The following FAXC variants were observed in gnomAD, a reference collection of about 807,000 sequenced individuals.
FAXC encodes failed axon connections homolog, metaxin like GST domain containing, also known as failed axon connections homolog.
Under a neutral mutation model 41.9 loss-of-function variants are expected in FAXC, and 10 were observed. That is an observed-to-expected ratio of 0.24 (90% CI 0.15 to 0.41). The LOEUF is 0.41. Among genes scored for constraint, FAXC ranks in the 10% least tolerant of loss-of-function variants. The pLI is 1.00. For synonymous variants in FAXC, 183 were observed against 183.8 expected (o/e 1.00, Z 0.03); for missense variants, 399 against 510.9 (o/e 0.78, Z 2.11).
intron 3 of FAXC, among the ~76,000 whole-genome samples, chr6:99,325,707 T>C (rs776717538): frequency 3.7e-4 from 56 of 152,364 alleles, no homozygotes; most frequent in South Asian, 2.5e-3. Context: ...ACTTTGACTC[T>C]AATTGTATTA....
chr6:99,294,619 A>G (rs12195216), intron 4 of FAXC, among the ~76,000 whole-genome samples: 32,491 of 152,092 alleles, frequency 0.21, 3,780 homozygotes, highest in East Asian at 0.47. Context: ...TTCATGGTCA[A>G]AAAAAGAGGG....
At chr6:99,339,276 G>A (rs1461395082) in intron 2 of FAXC, among the ~76,000 whole-genome samples, 1 of 152,220 alleles carries the variant, frequency 6.6e-6, no homozygotes, top group Non-Finnish European at 1.5e-5. Context: ...GTGAACCCCG[G>A]AGCTGCAGGA....
intron 3 of FAXC, among the ~76,000 whole-genome samples, chr6:99,332,727 T>C (rs957783111): frequency 3.9e-5 from 6 of 152,226 alleles, no homozygotes; most frequent in African/African-American, 1.4e-4. Context: ...GCTCTTGTTA[T>C]CTATGGACAA....
chr6:99,329,624 C>G (rs1487492533), intron 3 of FAXC, among the ~76,000 whole-genome samples: 2 of 152,094 alleles, frequency 1.3e-5, no homozygotes, highest in Non-Finnish European at 2.9e-5. Context: ...CTCCCCCAAA[C>G]AGGGGCCCTC....
At chr6:99,325,358 C>T (rs190781913) in intron 3 of FAXC, among the ~76,000 whole-genome samples, 1 of 152,330 alleles carries the variant, frequency 6.6e-6, no homozygotes, top group African/African-American at 2.4e-5. Context: ...AACATACTCC[C>T]TGTGCTGTAG....
intron 4 of FAXC, chr6:99,309,896 C>A: frequency 3.0e-6 from 3 of 984,804 alleles, no homozygotes; most frequent in Non-Finnish European, 3.6e-6. Flanking sequence ...AATTATTATT[C>A]TTCTGGCATG....
chr6:99,313,249 T>C lies in FAXC; in HGVS notation c.823+10195A>G, dbSNP rs528303458. 2.0e-5 allele frequency among the ~76,000 whole-genome samples: 3 copies of C among 152,308 alleles called. No individual in the cohort carries two copies. The South Asian group carries it at 6.2e-4, about 32-fold the overall frequency. On this transcript the variant is annotated intron_variant, in intron 4 of 5. Transcript: ENST00000389677. The stretch of plus-strand genomic sequence containing the variant: ...TCAAGGCTTCAGTGACCTATGATTG[T>C]GCCACTGCACTACAGCCTGGGCAAC...
At chr6:99,323,234 T>G (rs1278425942) in intron 4 of FAXC, among the ~76,000 whole-genome samples, 1 of 152,218 alleles carries the variant, frequency 6.6e-6, no homozygotes, top group Admixed American at 6.5e-5. Context: ...GGGCTCACCA[T>G]GCTAAAAACA....
At chr6:99,341,233 A>G (rs1297304919) in intron 2 of FAXC, among the ~76,000 whole-genome samples, 1 of 152,192 alleles carries the variant, frequency 6.6e-6, no homozygotes, top group Non-Finnish European at 1.5e-5. Context: ...AGAAATTTAA[A>G]ATGAAGTATA....
intron 5 of FAXC, among the ~76,000 whole-genome samples, chr6:99,289,103 T>C (rs1388944807): frequency 6.6e-6 from 1 of 152,214 alleles, no homozygotes; most frequent in African/African-American, 2.4e-5. Context: ...TCTACTGGTC[T>C]CTCATCTACA....
At chr6:99,324,474 A>C (rs1481762699) in intron 3 of FAXC, among the ~76,000 whole-genome samples, 1 of 152,132 alleles carries the variant, frequency 6.6e-6, no homozygotes, top group African/African-American at 2.4e-5. Context: ...TCAACTCTTT[A>C]CCTCAGTTTG....
chr6:99,293,084 G>A (rs1265531840), intron 4 of FAXC, among the ~76,000 whole-genome samples: 1 of 152,204 alleles, frequency 6.6e-6, no homozygotes. Flanking sequence ...TGGGAATACA[G>A]GCATGAGCCA....
chr6:99,285,523 A>G (rs946681743), intron 5 of FAXC, among the ~76,000 whole-genome samples: 2 of 152,238 alleles, frequency 1.3e-5, no homozygotes, highest in Non-Finnish European at 2.9e-5. Flanking sequence ...AAAAGGCACA[A>G]AAGGATTTAC....
chr6:99,318,169 G>A lies in FAXC; in HGVS notation c.823+5275C>T, dbSNP rs1326602734. 2.6e-5 allele frequency among the ~76,000 whole-genome samples: 4 copies of A among 151,846 alleles called. No homozygotes were observed. In the East Asian group the frequency reaches 7.8e-4, roughly 29 times the overall value. On this transcript the variant is annotated intron_variant, in intron 4 of 5. Coordinates refer to ENST00000389677, the MANE Select transcript of FAXC (RefSeq NM_032511.4). ...AGCTACTCGGGAGGCTGAGGCAGGA[G>A]AATGGCGTGAACCCGGGAGGCGGAG...
At chr6:99,304,367 T>C (rs531401448) in intron 4 of FAXC, among the ~76,000 whole-genome samples, 66 of 151,996 alleles carry the variant, frequency 4.3e-4, no homozygotes, top group African/African-American at 1.5e-3. Flanking sequence ...ATAACATCCA[T>C]GGAAGAATCT....
In FAXC at chr6:99,349,112, G is replaced by A. The variant is rs771912423; in HGVS notation, c.261C>T (p.Val87=). The change falls in exon 1 of 6, where the codon GTC becomes GTT. Residue 87 remains valine (V), a synonymous_variant. Transcript: ENST00000389677. ...AAAYLLHELL[V]IRKQQEIDSK... is the part of the protein sequence containing the mutation. Reference sequence around the variant, plus strand: ...GGGCCCTCTCTCCGGCTCACCTAATGACCAGGAGTTCGTGGAGCAGATACG... The same window carrying A: ...GGGCCCTCTCTCCGGCTCACCTAATAACCAGGAGTTCGTGGAGCAGATACG... 2.5e-6 allele frequency: 4 copies of A among 1,613,424 alleles called. No individual in the cohort carries two copies. In the South Asian group the frequency reaches 4.4e-5, roughly 18 times the overall value.
rs978351020 is a variant in FAXC at position 99,349,482 on chromosome 6, C to G, written c.-110G>C. ...AGGCGCGCGGAGGGCGCGGGCGGCGCGGGCGGCGGCGACTGAGGAGGCGGC... is the reference window on the plus strand; with the variant it reads ...AGGCGCGCGGAGGGCGCGGGCGGCGGGGGCGGCGGCGACTGAGGAGGCGGC... On this transcript the variant is annotated 5_prime_UTR_variant, in exon 1 of 6. Coordinates refer to ENST00000389677, the MANE Select transcript of FAXC (RefSeq NM_032511.4). The G allele has an allele frequency of 1.2e-6, 1 of 824,280 alleles. No homozygotes were observed. The highest frequency in any genetic ancestry group is 1.5e-6 in the Non-Finnish European group (1 of 683,840). 51.1% of individuals were successfully genotyped at this position (824,280 alleles called of 1,614,324 possible).
intron 4 of FAXC, among the ~76,000 whole-genome samples, chr6:99,323,235 G>T (rs1168984767): frequency 6.6e-6 from 1 of 152,184 alleles, no homozygotes; most frequent in Non-Finnish European, 1.5e-5. Flanking sequence ...GGCTCACCAT[G>T]CTAAAAACAG....
rs1235086706 is a variant in FAXC at position 99,271,458 on chromosome 6, AC to A, written c.*9705del. The A allele has an allele frequency of 1.3e-5, 2 of 152,270 alleles. No homozygotes were observed. Among genetic ancestry groups the A allele is most frequent in the Non-Finnish European group, 2.9e-5 (2 of 68,090 alleles). 9.4% of individuals were successfully genotyped at this position (152,270 alleles called of 1,614,324 possible). A position where few individuals can be genotyped will look rare whatever the true frequency, so the allele number is the denominator to read the frequency against. ...AGTCTAAAAAGATGAAAACCAAACT[AC>A]AGGTCGAGCATCCCAAATCCAAAAA... is the stretch of plus-strand genomic sequence containing the variant. On this transcript the variant is annotated 3_prime_UTR_variant, in exon 6 of 6. Coordinates refer to ENST00000389677, the MANE Select transcript of FAXC (RefSeq NM_032511.4).
Sources: allele counts gnomAD v4.1 joint callset (sites outside exome capture counted in the v4.1 genomes callset), GRCh38; gene constraint gnomAD v4.1.1; transcripts MANE v1.5; gene names NCBI Gene and HGNC (gene_info 2026-07-23, HGNC 2026-07-21).